Variants in CSMD1 observed in about 807,000 individuals in gnomAD.
The protein encoded by CSMD1 is CUB and sushi domain-containing protein 1.
CSMD1 carries 213 observed loss-of-function variants against 417.5 expected under a neutral mutation model. That is an observed-to-expected ratio of 0.51 (90% CI 0.46 to 0.57). The LOEUF (loss-of-function observed/expected upper bound fraction) is 0.57. Among genes scored for constraint, CSMD1 ranks in the 20% least tolerant of loss-of-function variants. The pLI, the probability that CSMD1 is intolerant of heterozygous loss-of-function variation, is 0.00. For missense variants in CSMD1, 6,923 were observed against 4,529.7 expected (o/e 1.53, Z -15.17); for synonymous variants, 2,862 against 1,736.8 (o/e 1.65, Z -16.11).
intron 12 of CSMD1, among the ~76,000 whole-genome samples, chr8:3,429,536 C>G (rs1006759256): frequency 1.3e-5 from 2 of 152,110 alleles, no homozygotes; most frequent in Non-Finnish European, 2.9e-5. Context: ...TGGGGGCTGT[C>G]AGGAACGTTC....
At chr8:3,797,253 A>G (rs1055584337) in intron 5 of CSMD1, among the ~76,000 whole-genome samples, 2 of 151,988 alleles carry the variant, frequency 1.3e-5, no homozygotes, top group Non-Finnish European at 2.9e-5. Context: ...TCAAGTGGCT[A>G]TAAAGTAGTT....
At chr8:4,606,120 T>A (rs1435871449) in intron 2 of CSMD1, among the ~76,000 whole-genome samples, 30 of 152,136 alleles carry the variant, frequency 2.0e-4, no homozygotes, top group Admixed American at 1.9e-3. Flanking sequence ...CTGAAATGAC[T>A]TGCAGGATTA....
At chr8:3,320,867 C>T (rs796864301) in intron 23 of CSMD1, among the ~76,000 whole-genome samples, 6 of 152,140 alleles carry the variant, frequency 3.9e-5, no homozygotes, top group Non-Finnish European at 7.4e-5. Flanking sequence ...GCCTGCTTGC[C>T]GCACACTTTT....
In CSMD1 at chr8:3,595,612, A is replaced by G. The variant is rs554406813; in HGVS notation, c.1098-9352T>C. ...AAATATAGGATGGTTCCAGGGTATAAGCAACAGTAAGCTTGGAGTGATTGG... is the reference window on the plus strand; with the variant it reads ...AAATATAGGATGGTTCCAGGGTATAGGCAACAGTAAGCTTGGAGTGATTGG... On this transcript the variant is annotated intron_variant, in intron 8 of 69. Transcript: ENST00000635120. 1.5e-4 allele frequency among the ~76,000 whole-genome samples: 23 copies of G among 152,312 alleles called. No homozygotes were observed. In the South Asian group the frequency reaches 2.7e-3, roughly 18 times the overall value.
intron 26 of CSMD1, among the ~76,000 whole-genome samples, chr8:3,277,042 G>T (rs1802343470): frequency 6.6e-6 from 1 of 152,084 alleles, no homozygotes; most frequent in African/African-American, 2.4e-5. Flanking sequence ...TAGGCACACT[G>T]GAATTTCTTG....
chr8:4,987,165 G>C (rs1320576320), intron 1 of CSMD1, among the ~76,000 whole-genome samples: 1 of 152,084 alleles, frequency 6.6e-6, no homozygotes, highest in African/African-American at 2.4e-5. Context: ...GGCGTGGGTA[G>C]AAAATAAATA....
At chr8:4,636,388 A>G (rs193132623) in intron 2 of CSMD1, among the ~76,000 whole-genome samples, 83 of 152,290 alleles carry the variant, frequency 5.5e-4, no homozygotes, top group African/African-American at 1.8e-3. Flanking sequence ...AAAAGAGAAA[A>G]CAAATTACGA....
At chr8:3,884,927 A>G (rs79287209) in intron 5 of CSMD1, among the ~76,000 whole-genome samples, 2 of 91,942 alleles carry the variant, frequency 2.2e-5, no homozygotes, top group South Asian at 6.1e-4. Flanking sequence ...ATATATATAT[A>G]TATTCATATA....
intron 3 of CSMD1, among the ~76,000 whole-genome samples, chr8:4,183,940 T>C (rs1046432788): frequency 2.6e-5 from 4 of 152,128 alleles, no homozygotes; most frequent in Non-Finnish European, 5.9e-5. Context: ...CTGGGAAACC[T>C]ATGAACTGCT....
intron 1 of CSMD1, among the ~76,000 whole-genome samples, chr8:4,792,459 G>C (rs1025781536): frequency 2.6e-5 from 4 of 152,112 alleles, no homozygotes; most frequent in African/African-American, 9.7e-5. Flanking sequence ...GAACTCATCA[G>C]CTGTTCTGAA....
intron 3 of CSMD1, among the ~76,000 whole-genome samples, chr8:4,244,066 G>C (rs1393444252): frequency 6.6e-6 from 1 of 152,206 alleles, no homozygotes; most frequent in Non-Finnish European, 1.5e-5. Context: ...AGTGCAGGTA[G>C]TCCTGTTGTG....
intron 41 of CSMD1, among the ~76,000 whole-genome samples, chr8:3,136,077 G>A (rs930164964): frequency 5.9e-5 from 9 of 152,016 alleles, no homozygotes; most frequent in African/African-American, 2.2e-4. Flanking sequence ...GACTCATGGG[G>A]AACATCCTGG....
At chr8:4,020,227 A>G (rs535339443) in intron 4 of CSMD1, among the ~76,000 whole-genome samples, 1 of 152,334 alleles carries the variant, frequency 6.6e-6, no homozygotes, top group African/African-American at 2.4e-5. Context: ...AGATTAAATA[A>G]ATTGACCAAA....
At chr8:4,494,681 TA>T (rs1156721218) in intron 2 of CSMD1, among the ~76,000 whole-genome samples, 3 of 150,354 alleles carry the variant, frequency 2.0e-5, no homozygotes, top group Admixed American at 6.6e-5. Flanking sequence ...TTCCTGCCAT[TA>T]AAAAAAAAGA....
intron 2 of CSMD1, among the ~76,000 whole-genome samples, chr8:4,473,442 T>C (rs1154079): frequency 0.018 from 2,683 of 152,294 alleles, 74 homozygotes; most frequent in African/African-American, 0.062. Flanking sequence ...TATTATTTTG[T>C]TTCATAAGCA....
chr8:4,234,578 C>A (rs1041660773), intron 3 of CSMD1, among the ~76,000 whole-genome samples: 1 of 152,132 alleles, frequency 6.6e-6, no homozygotes, highest in Non-Finnish European at 1.5e-5. Flanking sequence ...TTCTGCGCTG[C>A]TTTTTTAATT....
intron 7 of CSMD1, among the ~76,000 whole-genome samples, chr8:3,640,201 G>C (rs1797240327): frequency 6.6e-6 from 1 of 152,194 alleles, no homozygotes; most frequent in South Asian, 2.1e-4. Flanking sequence ...TTGCAGTCAT[G>C]TGGGGAGGCA....
chr8:3,177,540 G>A (rs542591798), intron 37 of CSMD1, among the ~76,000 whole-genome samples: 73 of 152,272 alleles, frequency 4.8e-4, no homozygotes, highest in Middle Eastern at 3.4e-3. Context: ...CAATCTCTAG[G>A]AGACCATTAC....
At position 3,902,856 on chromosome 8, in the gene CSMD1, T is replaced by G. The variant is rs188044340; in HGVS notation, c.818+95047A>C. Among the ~76,000 whole-genome samples the G allele has an allele frequency of 3.0e-3, 439 of 146,012 alleles. 1 individual carries two copies. The highest frequency in any genetic ancestry group is 0.011 in the African/African-American group (420 of 38,004). The stretch of plus-strand genomic sequence containing the variant: ...CCCATCTTGGATACTGAATAAATAG[T>G]AGCTACATCCAACTTTCCTTCCATC... On this transcript the variant is annotated intron_variant, in intron 5 of 69. Coordinates refer to ENST00000635120, the MANE Select transcript of CSMD1 (RefSeq NM_033225.6).
Sources: gnomAD v4.1 joint callset for allele counts (sites outside exome capture counted in the v4.1 genomes callset) on GRCh38, gnomAD v4.1.1 for gene constraint, MANE v1.5 for transcripts, NCBI Gene and HGNC (gene_info 2026-07-23, HGNC 2026-07-21) for gene names.